SLIT3: variants seen among roughly 807,000 people sequenced by gnomAD.
The protein encoded by SLIT3 is slit homolog 3 protein.
A neutral mutation model predicts 184.0 loss-of-function variants in SLIT3; 68 were observed. That is an observed-to-expected ratio of 0.37 (90% CI 0.30 to 0.45). SLIT3 has a LOEUF of 0.45. Among genes scored for constraint, SLIT3 ranks in the 20% least tolerant of loss-of-function variants. The pLI, the probability that SLIT3 is intolerant of heterozygous loss-of-function variation, is 1.00. For synonymous variants in SLIT3, 831 were observed against 828.6 expected, an observed-to-expected ratio of 1.00 and a Z score of -0.05; for missense variants, 1,707 against 2,026.0, an observed-to-expected ratio of 0.84 and a Z score of 3.02.
At chr5:168,838,527 G>A (rs76139147) in intron 6 of SLIT3, among the ~76,000 whole-genome samples, 5,486 of 152,060 alleles carry the variant, frequency 0.036, 354 homozygotes, top group African/African-American at 0.13. Context: ...ATTATTATTC[G>A]TTAATCCTCT....
intron 4 of SLIT3, among the ~76,000 whole-genome samples, chr5:169,192,774 T>C (rs1288502856): frequency 6.6e-6 from 1 of 152,164 alleles, no homozygotes; most frequent in Non-Finnish European, 1.5e-5. Context: ...GCCAGCATGA[T>C]TTCAGGTTCA....
chr5:169,062,223 A>G (rs2113098063), intron 4 of SLIT3, among the ~76,000 whole-genome samples: 1 of 152,326 alleles, frequency 6.6e-6, no homozygotes, highest in East Asian at 1.9e-4. Flanking sequence ...TAAAGAATTT[A>G]TACCATCCCA....
chr5:168,789,877 T>C (rs952633029), intron 10 of SLIT3: 14 of 463,130 alleles, frequency 3.0e-5, no homozygotes, highest in African/African-American at 2.8e-4. Context: ...CGTGGCATCT[T>C]CATCGGGACA....
At chr5:169,235,415 T>A (rs957615789) in intron 3 of SLIT3, among the ~76,000 whole-genome samples, 49 of 152,352 alleles carry the variant, frequency 3.2e-4, no homozygotes, top group African/African-American at 1.2e-3. Flanking sequence ...TTAGAATAGA[T>A]TTTGATTTAC....
intron 32 of SLIT3, among the ~76,000 whole-genome samples, chr5:168,677,103 A>G (rs1761438088): frequency 6.6e-6 from 1 of 152,212 alleles, no homozygotes; most frequent in Middle Eastern, 3.4e-3. Flanking sequence ...ACATGGGAGA[A>G]TCCTAGGTAG....
At position 168,981,058 on chromosome 5, in the gene SLIT3, A is replaced by C. The variant is rs192404216; in HGVS notation, c.414-97722T>G. On this transcript the variant is annotated intron_variant, in intron 4 of 35. Transcript: ENST00000519560. ...CTTTTTGCTAATTTATATTTTTCCC[A>C]AAAAGATATTTTTTTAAATAAGAAT... 5.8e-3 allele frequency among the ~76,000 whole-genome samples: 885 copies of C among 152,320 alleles called. 5 individuals are homozygous for C. Among genetic ancestry groups the C allele is most frequent in the Non-Finnish European group, 5.9e-3 (400 of 68,026 alleles).
Position 168,713,465 on chromosome 5 carries a change from T to TA in SLIT3, c.2484-1112dup, listed in dbSNP as rs569610077. ...ATTAAAGGATTAATCATCAACTGCA[T>TA]AAAAAAATCTGCAAATTAATAGAAA... On this transcript the variant is annotated intron_variant, in intron 23 of 35. Transcript: ENST00000519560. 6.6e-5 allele frequency among the ~76,000 whole-genome samples: 10 copies of TA among 152,260 alleles called. No homozygotes were observed. In the South Asian group the frequency reaches 1.9e-3, roughly 28 times the overall value.
intron 4 of SLIT3, among the ~76,000 whole-genome samples, chr5:168,965,082 C>T (rs940942060): frequency 9.9e-5 from 15 of 152,186 alleles, no homozygotes; most frequent in African/African-American, 3.6e-4. Flanking sequence ...TTGCTTGTCT[C>T]AGCACAGTCT....
chr5:169,299,828 G>A (rs1767626487), intron 1 of SLIT3, among the ~76,000 whole-genome samples: 1 of 152,168 alleles, frequency 6.6e-6, no homozygotes, highest in African/African-American at 2.4e-5. Context: ...GGTCTCATTT[G>A]AAGGGCTGTC....
intron 4 of SLIT3, among the ~76,000 whole-genome samples, chr5:169,033,712 T>C (rs949366529): frequency 6.6e-6 from 1 of 152,190 alleles, no homozygotes; most frequent in African/African-American, 2.4e-5. Context: ...CCTTTTCATA[T>C]ACCTGTGGGC....
chr5:169,024,959 T>A (rs1384022592), intron 4 of SLIT3: 1 of 152,112 alleles, frequency 6.6e-6, no homozygotes. Context: ...TGGACAACAA[T>A]TTGCAAAATT....
intron 4 of SLIT3, among the ~76,000 whole-genome samples, chr5:169,077,844 TAAA>T (rs57058518): frequency 1.7e-5 from 2 of 115,850 alleles, no homozygotes; most frequent in African/African-American, 3.0e-5. Flanking sequence ...CTTCAATTAC[TAAA>T]AAAAAAAAAA....
intron 6 of SLIT3, among the ~76,000 whole-genome samples, chr5:168,842,468 C>CTTTTTTTT (rs1561962519): frequency 4.9e-5 from 3 of 61,320 alleles, no homozygotes; most frequent in African/African-American, 2.4e-4. Context: ...ACCGTTTTTT[C>CTTTTTTTT]GTTTTTTTTT....
intron 9 of SLIT3, among the ~76,000 whole-genome samples, chr5:168,803,648 G>A (rs762465443): frequency 3.9e-5 from 6 of 152,150 alleles, no homozygotes; most frequent in Admixed American, 3.3e-4. Context: ...GGGCTCACTG[G>A]CTACAGCCTG....
At chr5:169,009,408 C>T (rs1266855521) in intron 4 of SLIT3, among the ~76,000 whole-genome samples, 1 of 152,210 alleles carries the variant, frequency 6.6e-6, no homozygotes, top group Non-Finnish European at 1.5e-5. Flanking sequence ...AGTCTGTTTG[C>T]AAACAGGCTC....
intron 4 of SLIT3, among the ~76,000 whole-genome samples, chr5:168,925,881 G>A (rs968284767): frequency 2.0e-5 from 3 of 152,116 alleles, no homozygotes; most frequent in Non-Finnish European, 4.4e-5. Flanking sequence ...GAGCTCAGCC[G>A]GTTGCTGAGA....
At chr5:168,823,952 A>G (rs1345441648) in intron 6 of SLIT3, among the ~76,000 whole-genome samples, 1 of 152,074 alleles carries the variant, frequency 6.6e-6, no homozygotes, top group African/African-American at 2.4e-5. Flanking sequence ...CAGCACATCT[A>G]ATCTTTTTAT....
At chr5:168,951,932 G>A (rs1026394499) in intron 4 of SLIT3, among the ~76,000 whole-genome samples, 2 of 152,176 alleles carry the variant, frequency 1.3e-5, no homozygotes, top group African/African-American at 4.8e-5. Flanking sequence ...CCACCCCAGA[G>A]AAACAAAGTG....
intron 4 of SLIT3, among the ~76,000 whole-genome samples, chr5:168,988,488 G>T (rs1045532274): frequency 6.6e-6 from 1 of 152,128 alleles, no homozygotes; most frequent in Non-Finnish European, 1.5e-5. Context: ...CTAACTCTCA[G>T]CTCTTTCCAA....
Sources: gnomAD v4.1 joint callset for allele counts (sites outside exome capture counted in the v4.1 genomes callset) on GRCh38, gnomAD v4.1.1 for gene constraint, MANE v1.5 for transcripts, NCBI Gene and HGNC (gene_info 2026-07-23, HGNC 2026-07-21) for gene names.